Variants in CTNNA3 observed in about 807,000 individuals in gnomAD.
CTNNA3 encodes the protein catenin alpha 3, also known as catenin alpha-3.
CTNNA3 carries 76 observed loss-of-function variants against 95.7 expected under a neutral mutation model. The observed-to-expected ratio is 0.79, with a 90% CI of 0.66 to 0.96. The LOEUF (loss-of-function observed/expected upper bound fraction) is 0.96, where lower values mean the gene tolerates loss of function less well. Ranked by LOEUF, CTNNA3 falls within the 40% of genes least tolerant of loss-of-function variation. The probability of loss-of-function intolerance (pLI) is 0.00; values close to 1 mark genes in which losing one functional copy is unlikely to be tolerated. For synonymous variants in CTNNA3, 431 were observed against 374.4 expected, an observed-to-expected ratio of 1.15 and a Z score of -1.74; for missense variants, 1,191 against 1,089.8, an observed-to-expected ratio of 1.09 and a Z score of -1.31.
intron 14 of CTNNA3, among the ~76,000 whole-genome samples, chr10:66,080,223 G>A (rs537360483): frequency 1.3e-5 from 2 of 151,938 alleles, no homozygotes; most frequent in South Asian, 4.1e-4. Context: ...TTCTGATCTC[G>A]ATCTACTGCA....
intron 14 of CTNNA3, chr10:66,078,812 A>G (rs907372245): frequency 6.6e-6 from 1 of 151,958 alleles, no homozygotes; most frequent in Non-Finnish European, 1.5e-5. Flanking sequence ...AAACAGTTCA[A>G]TAAATAAATA....
At chr10:67,733,087 T>A (rs1327286891) in intron 1 of CTNNA3, among the ~76,000 whole-genome samples, 1 of 152,176 alleles carries the variant, frequency 6.6e-6, no homozygotes, top group Non-Finnish European at 1.5e-5. Flanking sequence ...AATGTAAATA[T>A]TTTATCTATG....
chr10:66,927,049 G>T lies in CTNNA3; in HGVS notation c.1048-151525C>A. ...GGGCTGTAGGTGTGAAGGCAAAATG[G>T]TATATTGTGAATCTCAGAAATTACA... On this transcript the variant is annotated intron_variant, in intron 7 of 17. Transcript: ENST00000433211. The surrounding 1 kb of genome is among the most constrained non-coding windows in gnomAD (Gnocchi z 4.7). 1 of 1,614,122 alleles carries T rather than the reference G, an allele frequency of 6.2e-7. No individual in the cohort carries two copies. Among genetic ancestry groups the T allele is most frequent in the Non-Finnish European group, 8.5e-7 (1 of 1,180,026 alleles).
chr10:67,201,231 T>A (rs1288831128), intron 6 of CTNNA3, among the ~76,000 whole-genome samples: 1 of 152,202 alleles, frequency 6.6e-6, no homozygotes, highest in African/African-American at 2.4e-5. Context: ...ATAGGATTAG[T>A]CTACCTCCTA....
intron 12 of CTNNA3, among the ~76,000 whole-genome samples, chr10:66,367,873 TAATAATA>T (rs1564903174): frequency 0.027 from 514 of 19,184 alleles, 12 homozygotes; most frequent in African/African-American, 0.069. Flanking sequence ...ATAATAATAA[TAATAATA>T]ATTATTATTA....
At chr10:67,297,143 T>C (rs1840073120) in intron 5 of CTNNA3, among the ~76,000 whole-genome samples, 1 of 152,020 alleles carries the variant, frequency 6.6e-6, no homozygotes, top group Non-Finnish European at 1.5e-5. Flanking sequence ...AAAAGTTGAC[T>C]GACATTCACA....
At chr10:66,307,315 TATC>T (rs1442244740) in intron 12 of CTNNA3, among the ~76,000 whole-genome samples, 1 of 152,228 alleles carries the variant, frequency 6.6e-6, no homozygotes, top group Non-Finnish European at 1.5e-5. Context: ...AAATAAGTTT[TATC>T]ATTATAGTAT....
intron 1 of CTNNA3, among the ~76,000 whole-genome samples, chr10:67,758,237 T>G (rs1841443914): frequency 6.6e-6 from 1 of 151,606 alleles, no homozygotes; most frequent in Non-Finnish European, 1.5e-5. Context: ...CTCAGCCTCC[T>G]TAACCACATA....
chr10:67,515,586 C>A (rs563407170), intron 5 of CTNNA3, among the ~76,000 whole-genome samples: 1 of 152,196 alleles, frequency 6.6e-6, no homozygotes, highest in Non-Finnish European at 1.5e-5. Context: ...TCTTCAGAAA[C>A]AGGTTTATAA....
intron 3 of CTNNA3, among the ~76,000 whole-genome samples, chr10:67,597,759 G>A (rs1233954893): frequency 6.6e-6 from 1 of 152,210 alleles, no homozygotes; most frequent in Non-Finnish European, 1.5e-5. Flanking sequence ...TGGTAGGGCG[G>A]TGGGGGCTGT....
At chr10:66,796,712 T>G (rs1207357401) in intron 7 of CTNNA3, among the ~76,000 whole-genome samples, 1 of 151,986 alleles carries the variant, frequency 6.6e-6, no homozygotes, top group Non-Finnish European at 1.5e-5. Flanking sequence ...AATGCAAATC[T>G]AAAAGAGAGC....
At chr10:66,265,511 A>G (rs973975960) in intron 13 of CTNNA3, among the ~76,000 whole-genome samples, 23 of 151,970 alleles carry the variant, frequency 1.5e-4, no homozygotes, top group African/African-American at 5.6e-4. Flanking sequence ...GAAAATGTCA[A>G]AATAACTTAT....
At chr10:66,140,274 A>G (rs2083548291) in intron 13 of CTNNA3, among the ~76,000 whole-genome samples, 1 of 152,178 alleles carries the variant, frequency 6.6e-6, no homozygotes, top group African/African-American at 2.4e-5. Context: ...CCCTTCAAGG[A>G]GATTAATTAA....
rs553989003 is a variant in CTNNA3 at position 67,379,852 on chromosome 10, T to G, written c.579+141990A>C. Among the ~76,000 whole-genome samples the G allele has an allele frequency of 1.9e-3, 285 of 151,714 alleles. 2 individuals carry two copies. Among genetic ancestry groups the G allele is most frequent in the African/African-American group, 6.6e-3 (274 of 41,344 alleles). On this transcript the variant is annotated intron_variant, in intron 5 of 17. Coordinates refer to ENST00000433211, the MANE Select transcript of CTNNA3 (RefSeq NM_013266.4). Reference sequence around the variant, plus strand: ...CCGGCTAAAACGGTGAAACCCCGTCTCTACTAAAAATACAAAAAATTAGCC... The same window carrying G: ...CCGGCTAAAACGGTGAAACCCCGTCGCTACTAAAAATACAAAAAATTAGCC...
chr10:67,331,914 T>A (rs569565682), intron 5 of CTNNA3, among the ~76,000 whole-genome samples: 1 of 152,262 alleles, frequency 6.6e-6, no homozygotes, highest in Non-Finnish European at 1.5e-5. Context: ...CTTTCTCCCT[T>A]ATTAAACATA....
At chr10:66,722,312 A>G (rs1848653324) in intron 9 of CTNNA3, among the ~76,000 whole-genome samples, 1 of 151,706 alleles carries the variant, frequency 6.6e-6, no homozygotes, top group South Asian at 2.1e-4. Flanking sequence ...TGGGAGGCGG[A>G]GCTTGCAGTG....
At chr10:67,714,235 CACAG>C (rs1279689708) in intron 1 of CTNNA3, among the ~76,000 whole-genome samples, 2 of 152,202 alleles carry the variant, frequency 1.3e-5, no homozygotes, top group East Asian at 3.8e-4. Context: ...CTGGAAAAGC[CACAG>C]ACACTCAATG....
chr10:67,440,799 A>T (rs1222740673), intron 5 of CTNNA3, among the ~76,000 whole-genome samples: 1 of 152,144 alleles, frequency 6.6e-6, no homozygotes, highest in East Asian at 1.9e-4. Flanking sequence ...AAATCCCTTC[A>T]AATACCTGGG....
intron 12 of CTNNA3, among the ~76,000 whole-genome samples, chr10:66,303,635 A>AATTT (rs1420903579): frequency 6.6e-6 from 1 of 152,080 alleles, no homozygotes; most frequent in Non-Finnish European, 1.5e-5. Context: ...GAGAAAGGCA[A>AATTT]ATTTATTTAT....
Sources: allele counts gnomAD v4.1 joint callset (sites outside exome capture counted in the v4.1 genomes callset), GRCh38; gene constraint gnomAD v4.1.1; non-coding constraint Gnocchi (gnomAD v3.1); transcripts MANE v1.5; gene names NCBI Gene and HGNC (gene_info 2026-07-23, HGNC 2026-07-21).